HNRNPM: variants seen among roughly 807,000 people sequenced by gnomAD.
HNRNPM encodes heterogeneous nuclear ribonucleoprotein M.
In HNRNPM, 11 loss-of-function variants were observed where a neutral mutation model predicts 73.1. That is an observed-to-expected ratio of 0.15 (90% CI 0.09 to 0.25). HNRNPM has a LOEUF of 0.25. HNRNPM is among the 10% of genes least tolerant of loss of function. The pLI, the probability that HNRNPM is intolerant of heterozygous loss-of-function variation, is 1.00. For synonymous variants in HNRNPM, 407 were observed against 355.2 expected (o/e 1.15, Z -1.64); for missense variants, 789 against 1,067.9 (o/e 0.74, Z 3.64).
At position 8,474,152 on chromosome 19, in the gene HNRNPM, G is replaced by A. The variant is rs2145708576; in HGVS notation, c.1043-15G>A. On this transcript the variant is annotated splice_polypyrimidine_tract_variant and intron_variant, in intron 11 of 15. Coordinates refer to ENST00000325495, the MANE Select transcript of HNRNPM (RefSeq NM_005968.5). The stretch of plus-strand genomic sequence containing the variant: ...GTCTTGTTGGATGATGCTGAAATGT[G>A]AACCTCTCTTGCAGGAATGGAGGGG... 3.8e-6 allele frequency: 6 copies of A among 1,569,764 alleles called. No homozygotes were observed. Among genetic ancestry groups the A allele is most frequent in the Non-Finnish European group, 4.3e-6 (5 of 1,159,946 alleles).
intron 15 of HNRNPM, chr19:8,487,650 C>T (rs746576727): frequency 6.5e-6 from 1 of 154,308 alleles, no homozygotes; most frequent in East Asian, 1.9e-4. Flanking sequence ...GCATGCACCA[C>T]CTCTGTTCTT....
chr19:8,482,802 G>A (rs777173030), intron 12 of HNRNPM: 19 of 190,372 alleles, frequency 1.0e-4, no homozygotes, highest in African/African-American at 1.4e-4. Flanking sequence ...AGTCCTGAGA[G>A]CCTGGACCAG....
chr19:8,480,495 T>A (rs573161520), intron 12 of HNRNPM, among the ~76,000 whole-genome samples: 2 of 151,592 alleles, frequency 1.3e-5, no homozygotes, highest in South Asian at 2.1e-4. Context: ...TGAAACCCCG[T>A]CTCTACTACA....
At chr19:8,453,406 G>A (rs1437652883) in intron 1 of HNRNPM, among the ~76,000 whole-genome samples, 1 of 152,160 alleles carries the variant, frequency 6.6e-6, no homozygotes, top group African/African-American at 2.4e-5. Context: ...CTCCCAAAGT[G>A]CTGGGATTAC....
chr19:8,488,717 A>G lies in HNRNPM; in HGVS notation c.2056A>G (p.Met686Val). 6.2e-7 allele frequency: 1 copy of G among 1,613,970 alleles called. No homozygotes were observed. Among genetic ancestry groups the G allele is most frequent in the Middle Eastern group, 1.6e-4 (1 of 6,062 alleles). The change falls in exon 16 of 16, where the codon ATG becomes GTG. Residue 686 changes from methionine (M) to valine (V), a missense_variant. This residue lies in a region of HNRNPM where 43 missense variants were observed against 105.8 expected (regional missense o/e 0.41). Transcript: ENST00000325495. The stretch of plus-strand genomic sequence containing the variant: ...CCACGTGCTGTACGCCGACATCAAG[A>G]TGGAGAATGGGAAGTCCAAGGGGTG... ...CGHVLYADIK[M>V]ENGKSKGCGV...
chr19:8,467,076 GA>G (rs34885852), intron 7 of HNRNPM, among the ~76,000 whole-genome samples: 44,249 of 151,786 alleles, frequency 0.29, 7,073 homozygotes, highest in South Asian at 0.44. Context: ...CATCATTTTG[GA>G]AGAGGCCACT....
At chr19:8,447,520 A>G (rs985784186) in intron 1 of HNRNPM, among the ~76,000 whole-genome samples, 4 of 152,034 alleles carry the variant, frequency 2.6e-5, no homozygotes, top group Admixed American at 2.0e-4. Flanking sequence ...AGTGGAGGAG[A>G]AGAAGATGGT....
intron 9 of HNRNPM, among the ~76,000 whole-genome samples, chr19:8,470,496 T>TTG (rs1444689550): frequency 5.3e-5 from 8 of 151,286 alleles, no homozygotes; most frequent in African/African-American, 2.0e-4. Context: ...AGGCTAATTT[T>TTG]TTTTTTTTTT....
At chr19:8,480,405 G>T (rs1327550685) in intron 12 of HNRNPM, among the ~76,000 whole-genome samples, 1 of 148,086 alleles carries the variant, frequency 6.8e-6, no homozygotes, top group African/African-American at 2.5e-5. Flanking sequence ...TTTGTGGATA[G>T]CTATGGCAAG....
At chr19:8,482,308 C>G (rs1053823423) in intron 12 of HNRNPM, among the ~76,000 whole-genome samples, 1 of 152,094 alleles carries the variant, frequency 6.6e-6, no homozygotes, top group African/African-American at 2.4e-5. Flanking sequence ...AAATGTGCCT[C>G]GTGGCTAATG....
At chr19:8,446,129 A>G (rs1489223874) in intron 1 of HNRNPM, among the ~76,000 whole-genome samples, 3 of 152,182 alleles carry the variant, frequency 2.0e-5, no homozygotes, top group Non-Finnish European at 4.4e-5. Flanking sequence ...TTTCCCAGAC[A>G]TTTATTTCAT....
At chr19:8,487,501 G>A (rs1971398223) in intron 15 of HNRNPM, 2 of 195,418 alleles carry the variant, frequency 1.0e-5, no homozygotes, top group African/African-American at 2.4e-5. Flanking sequence ...GCAGGCTCTG[G>A]GCACACAGCA....
At chr19:8,475,962 G>A (rs1016974299) in intron 12 of HNRNPM, among the ~76,000 whole-genome samples, 8 of 134,774 alleles carry the variant, frequency 5.9e-5, no homozygotes, top group Non-Finnish European at 1.1e-4. Context: ...AATTTGAGTT[G>A]TTGCTGTGAG....
intron 12 of HNRNPM, among the ~76,000 whole-genome samples, chr19:8,480,528 G>A (rs1347500839): frequency 1.3e-5 from 2 of 151,430 alleles, no homozygotes; most frequent in Non-Finnish European, 2.9e-5. Context: ...TTAGCCGGGC[G>A]TGGTGGTGCA....
chr19:8,455,370 A>C, intron 1 of HNRNPM, 35 bp from the exon 2 acceptor site: 7 of 1,568,866 alleles, frequency 4.5e-6, no homozygotes, highest in Non-Finnish European at 6.1e-6. Flanking sequence ...TGACATATAA[A>C]CCCTTTACCT....
chr19:8,449,109 T>G (rs1182526535), intron 1 of HNRNPM, among the ~76,000 whole-genome samples: 1 of 152,142 alleles, frequency 6.6e-6, no homozygotes, highest in Admixed American at 6.5e-5. Context: ...CTTTAAAGAG[T>G]GATTGTTTAT....
At chr19:8,452,978 C>G (rs1355834215) in intron 1 of HNRNPM, among the ~76,000 whole-genome samples, 1 of 151,664 alleles carries the variant, frequency 6.6e-6, no homozygotes, top group African/African-American at 2.4e-5. Flanking sequence ...GTAGCTGGGA[C>G]TACAGGTGCA....
chr19:8,486,458 G>A (rs1971317242), intron 14 of HNRNPM, 53 bp downstream of exon 14: 9 of 1,458,716 alleles, frequency 6.2e-6, no homozygotes, highest in African/African-American at 1.4e-5. Flanking sequence ...GGGGACAGGG[G>A]AGGCAAAGAT....
At chr19:8,478,025 T>C (rs987911997) in intron 12 of HNRNPM, among the ~76,000 whole-genome samples, 8 of 152,058 alleles carry the variant, frequency 5.3e-5, no homozygotes, top group African/African-American at 1.4e-4. Flanking sequence ...CACAAAGCCT[T>C]TGGGGTAGGG....
Sources: gnomAD v4.1 joint callset for allele counts (sites outside exome capture counted in the v4.1 genomes callset) on GRCh38, gnomAD v4.1.1 for gene constraint, gnomAD v4.1.1 regional missense constraint, MANE v1.5 for transcripts, NCBI Gene and HGNC (gene_info 2026-07-23, HGNC 2026-07-21) for gene names.